PLEC: variants seen among roughly 807,000 people sequenced by gnomAD.
PLEC encodes the protein plectin.
A neutral mutation model predicts 392.8 loss-of-function variants in PLEC; 216 were observed. The ratio of observed to expected loss-of-function variants is 0.55; its 90% CI spans 0.49 to 0.62. The LOEUF is 0.62. Ranked by LOEUF, PLEC falls within the 20% of genes least tolerant of loss-of-function variation. The probability of loss-of-function intolerance (pLI) is 0.00; values close to 1 mark genes in which losing one functional copy is unlikely to be tolerated. For synonymous variants in PLEC, 3,621 were observed against 2,980.6 expected, an observed-to-expected ratio of 1.21 and a Z score of -7.00; for missense variants, 6,863 against 6,563.4, an observed-to-expected ratio of 1.05 and a Z score of -1.58.
rs886044808 is a variant in PLEC at position 143,932,884 on chromosome 8, G to A, written c.1646C>T (p.Pro549Leu). The A allele has an allele frequency of 8.1e-6, 13 of 1,612,454 alleles. No individual in the cohort carries two copies. The highest frequency in any genetic ancestry group is 2.2e-5 in the East Asian group (1 of 44,846). The part of the protein sequence containing the change: ...VDGAEWGVDL[P>L]SVEAQLGSHR... ...GCTGCCCAGCTGCGCCTCCACGCTGGGCAGGTCCACACCCCACTCAGCGCC... is the reference window on the plus strand; with the variant it reads ...GCTGCCCAGCTGCGCCTCCACGCTGAGCAGGTCCACACCCCACTCAGCGCC... The change falls in exon 14 of 32, where the codon CCC (proline) becomes CTC (leucine). Residue 549 changes from proline to leucine, a missense_variant. Pro to Leu is a moderately conservative substitution (Grantham distance 98). Transcript: ENST00000345136.
intron 1 of PLEC, among the ~76,000 whole-genome samples, chr8:143,963,659 G>A (rs1182873935): frequency 6.6e-6 from 1 of 151,914 alleles, no homozygotes; most frequent in Non-Finnish European, 1.5e-5. Context: ...ATCAGATTTG[G>A]GACTTCTGAG....
chr8:143,918,901 G>A lies in PLEC; in HGVS notation c.10920C>T (p.Tyr3640=), dbSNP rs28455570. 0.091 allele frequency: 147,182 copies of A among 1,611,580 alleles called. 7,812 individuals are homozygous for A. The highest frequency in any genetic ancestry group is 0.11 in the Non-Finnish European group (128,472 of 1,179,976). ...EIIRQQGLAS[Y]DYVRRRLTAE... ...CCGTGAGGCGGCGGCGCACGTAGTC[G>A]TAGGAGGCCAGACCCTGCTGGCGGA... Residue 3640 remains tyrosine (Y), a synonymous_variant, in exon 32 of 32, where the codon TAC becomes TAT. Coordinates refer to ENST00000345136, the MANE Select transcript of PLEC (RefSeq NM_201384.3).
upstream of PLEC, chr8:143,944,017 C>T (rs1314049823): frequency 2.8e-5 from 40 of 1,428,054 alleles, no homozygotes; most frequent in Admixed American, 1.0e-4. Context: ...CTGCCCTGCC[C>T]GCAGGACCGC....
In PLEC at chr8:143,927,015, G is replaced by A; in HGVS notation, c.3907C>T (p.Pro1303Ser). Residue 1303 changes from proline (P) to serine (S), a missense_variant, in exon 29 of 32, where the codon CCC becomes TCC. By Grantham distance (74) the Pro-to-Ser change is moderately conservative. Coordinates refer to ENST00000345136, the MANE Select transcript of PLEC (RefSeq NM_201384.3). ...CTCTCTGATCCCGACTGGACCTTGGGCTTCTTGGCCGGGGAGGCCACCGGC... is the reference window on the plus strand; with the variant it reads ...CTCTCTGATCCCGACTGGACCTTGGACTTCTTGGCCGGGGAGGCCACCGGC... Reference protein sequence around the residue: ...LEPVASPAKKPKVQSGSESVI... With the variant: ...LEPVASPAKKSKVQSGSESVI... 1.9e-6 allele frequency: 3 copies of A among 1,613,014 alleles called. No individual in the cohort carries two copies. Among genetic ancestry groups the A allele is most frequent in the African/African-American group, 1.3e-5 (1 of 75,054 alleles).
At chr8:143,928,169 G>T (rs1239643928) in intron 25 of PLEC, among the ~76,000 whole-genome samples, 177 bp from the exon 26 acceptor site, 1 of 152,280 alleles carries the variant, frequency 6.6e-6, no homozygotes, top group Non-Finnish European at 1.5e-5. Flanking sequence ...TTGGGGAGAA[G>T]GAGGTTGGGA....
At chr8:143,940,692 A>G (rs1213992695), upstream of PLEC, among the ~76,000 whole-genome samples, 3 of 152,162 alleles carry the variant, frequency 2.0e-5, no homozygotes, top group Non-Finnish European at 2.9e-5. Flanking sequence ...TGGGAGCTGC[A>G]CTCGGCCTCA....
chr8:143,964,135 T>TG (rs1247977056), intron 1 of PLEC, among the ~76,000 whole-genome samples: 1 of 152,164 alleles, frequency 6.6e-6, no homozygotes, highest in Non-Finnish European at 1.5e-5. Flanking sequence ...TTAGAGCTGA[T>TG]GCTACAATAG....
Position 143,927,842 on chromosome 8 carries a change from TCGAAA to T in PLEC, c.3399+7_3399+11del. 1 of 1,591,020 alleles carries T rather than the reference TCGAAA, an allele frequency of 6.3e-7. No individual in the cohort carries two copies. The highest frequency in any genetic ancestry group is 8.6e-7 in the Non-Finnish European group (1 of 1,169,314). On this transcript the variant is annotated splice_region_variant and intron_variant, in intron 26 of 31. Transcript: ENST00000345136. The stretch of plus-strand genomic sequence containing the variant: ...CCCACCCCGCCATGAAGCCCAAGCC[TCGAAA>T]CGATACCTTCAGAGAGGCCTTGGTG...
chr8:143,932,957 G>C lies in PLEC; in HGVS notation c.1573C>G (p.Leu525Val). The change falls in exon 14 of 32, where the codon CTG (leucine) becomes GTG (valine). Residue 525 changes from leucine to valine, a missense_variant. Physicochemically the swap from Leu to Val is conservative, Grantham distance 32 (BLOSUM62 1). Transcript: ENST00000345136. ...TCCACCCAGGCCAGCAGGTCCTGCA[G>C]GTAGCGCAGAGTGGAGTCCTCCAGC... Reference protein sequence around the residue: ...PELEDSTLRYLQDLLAWVEEN... With the variant: ...PELEDSTLRYVQDLLAWVEEN... The C allele has an allele frequency of 1.2e-6, 2 of 1,612,584 alleles. No individual in the cohort carries two copies. Among genetic ancestry groups the C allele is most frequent in the Non-Finnish European group, 1.7e-6 (2 of 1,179,890 alleles).
At chr8:143,949,534 G>T (rs549631980) in intron 1 of PLEC, among the ~76,000 whole-genome samples, 1 of 152,148 alleles carries the variant, frequency 6.6e-6, no homozygotes, top group South Asian at 2.1e-4. Context: ...TTCGTACCGG[G>T]AAAGGCCTAT....
intron 1 of PLEC, among the ~76,000 whole-genome samples, chr8:143,972,614 G>A (rs373445724): frequency 2.6e-5 from 4 of 152,068 alleles, no homozygotes; most frequent in African/African-American, 7.2e-5. Flanking sequence ...GGCCCCCACC[G>A]CGACCCTCCC....
rs192479747 is a variant in PLEC at position 143,960,942 on chromosome 8, G to A, written c.70+12461C>T. 4.6e-3 allele frequency among the ~76,000 whole-genome samples: 697 copies of A among 152,294 alleles called. 3 individuals are homozygous for A. The highest frequency in any genetic ancestry group is 0.016 in the African/African-American group (650 of 41,570). On this transcript the variant is annotated intron_variant, in intron 1 of 31. Transcript: ENST00000356346. Reference sequence around the variant, plus strand: ...CCCCTGCTTTCCCACCCACCCCACAGCTGGAGGCCTCCCGCTCTGCACGGG... The same window carrying A: ...CCCCTGCTTTCCCACCCACCCCACAACTGGAGGCCTCCCGCTCTGCACGGG...
chr8:143,941,572 C>T (rs1389629256), upstream of PLEC, among the ~76,000 whole-genome samples: 4 of 152,040 alleles, frequency 2.6e-5, no homozygotes, highest in Non-Finnish European at 5.9e-5. Flanking sequence ...CAGGGGCCTC[C>T]ACCTCCCAAG....
At position 143,938,175 on chromosome 8, in the gene PLEC, C is replaced by T. The variant is rs782076897; in HGVS notation, c.240G>A (p.Leu80=). ...CCAGGCTGTCCCCCGAGAGGACCTC[C>T]AGCAGGGAGATGAGGTTGTGGCCAT... ...LRDGHNLISL[L]EVLSGDSLPR... is the part of the protein sequence containing the mutation. Residue 80 remains leucine (L), a synonymous_variant, in exon 3 of 32, where the codon CTG becomes CTA. Transcript: ENST00000345136. 5 of 1,608,200 alleles carry T rather than the reference C, an allele frequency of 3.1e-6. No homozygotes were observed. The Admixed American group carries it at 8.4e-5, about 27-fold the overall frequency.
Position 143,923,373 on chromosome 8 carries a change from G to A in PLEC, c.6556C>T (p.Gln2186Ter). The A allele has an allele frequency of 6.2e-7, 1 of 1,610,476 alleles. No homozygotes were observed. The highest frequency in any genetic ancestry group is 1.3e-5 in the African/African-American group (1 of 74,984). The change falls in exon 31 of 32, where the codon CAG (glutamine) becomes TAG (stop). Residue 2186 changes from glutamine (Q) to a stop codon, truncating the protein, a stop_gained. Coordinates refer to ENST00000345136, the MANE Select transcript of PLEC (RefSeq NM_201384.3). LOFTEE classifies it high-confidence loss of function. ...QTLRQKAQVE[Q>*]ELTTLRLQLE... ...TGCAGCCGCAGTGTTGTCAGCTCCT[G>A]CTCCACCTGCGCCTTCTGCCGCAGC...
chr8:143,930,059 C>T lies in PLEC; in HGVS notation c.2616G>A (p.Leu872=), dbSNP rs782576017. The T allele has an allele frequency of 5.6e-6, 9 of 1,610,518 alleles. No homozygotes were observed. In the African/African-American group the frequency reaches 1.1e-4, roughly 19 times the overall value. The change falls in exon 22 of 32, where the codon CTG becomes CTA. Residue 872 remains leucine (L), a synonymous_variant. Coordinates refer to ENST00000345136, the MANE Select transcript of PLEC (RefSeq NM_201384.3). ...NQEAQEAVTR[L]EAQHQALVTL... ...TGACCAGGGCCTGGTGCTGGGCCTC[C>T]AGCCTGGCAGGTCAGGGCTACAGTC...
chr8:143,938,987 G>A (rs1026461243), intron 1 of PLEC, among the ~76,000 whole-genome samples: 5 of 139,942 alleles, frequency 3.6e-5, no homozygotes, highest in East Asian at 2.0e-4. Context: ...CACAAGTCCC[G>A]TCCTGCAGTC....
At position 143,915,997 on chromosome 8, in the gene PLEC, T is replaced by A; in HGVS notation, c.*180A>T. 2.0e-6 allele frequency: 1 copy of A among 510,744 alleles called. No individual in the cohort carries two copies. The highest frequency in any genetic ancestry group is 3.4e-6 in the Non-Finnish European group (1 of 294,624). The allele number at this position is 510,744 out of a possible 1,614,324, so 31.6% of individuals were successfully genotyped here. A position where few individuals can be genotyped will look rare whatever the true frequency, so the allele number is the denominator to read the frequency against. On this transcript the variant is annotated 3_prime_UTR_variant, in exon 32 of 32. Transcript: ENST00000345136. ...GCGGCCAGCAGGGCTGGGCCAGCCC[T>A]GTCCCCCAAGATACAGGCTGTCTGG...
rs1008271969 is a variant in PLEC, at chr8:143,973,227, G to C, written c.70+176C>G. Among the ~76,000 whole-genome samples, 1 of 151,968 alleles carries C rather than the reference G, an allele frequency of 6.6e-6. No individual in the cohort carries two copies. The highest frequency in any genetic ancestry group is 2.0e-4 in the East Asian group (1 of 5,108). On this transcript the variant is annotated intron_variant, in intron 1 of 31. Transcript: ENST00000356346. This position sits in a 1 kb window ranked among gnomAD's most constrained non-coding sequence, Gnocchi z 5.6. ...AGGGCATGGCCTCGGGGGCTCAGCG[G>C]AGCGAGTCCTCCCCTTCCCTAGGCA...
Sources: gnomAD v4.1 joint callset for allele counts (sites outside exome capture counted in the v4.1 genomes callset) on GRCh38, gnomAD v4.1.1 for gene constraint, Gnocchi (gnomAD v3.1) non-coding constraint, MANE v1.5 for transcripts, NCBI Gene and HGNC (gene_info 2026-07-23, HGNC 2026-07-21) for gene names.